Variants in DNAH14 observed in about 807,000 individuals in gnomAD.
DNAH14 encodes the protein axonemal beta dynein heavy chain 14.
Under a neutral mutation model 520.9 loss-of-function variants are expected in DNAH14, and 478 were observed. That is an observed-to-expected ratio of 0.92 (90% CI 0.85 to 0.99). DNAH14 has a LOEUF of 0.99. DNAH14 is among the 50% of genes least tolerant of loss of function. The probability of loss-of-function intolerance (pLI) is 0.00; values close to 1 mark genes in which losing one functional copy is unlikely to be tolerated. For missense variants in DNAH14, 4,831 were observed against 5,234.5 expected (o/e 0.92, Z 2.38); for synonymous variants, 1,581 against 1,757.2 (o/e 0.90, Z 2.51).
chr1:225,053,505 G>T (rs752256805), intron 17 of DNAH14, among the ~76,000 whole-genome samples: 5 of 152,104 alleles, frequency 3.3e-5, no homozygotes, highest in Non-Finnish European at 5.9e-5. Flanking sequence ...GGACCCTCTG[G>T]CTGCAGTGTG....
At chr1:225,178,608 C>G (rs1340425073) in intron 36 of DNAH14, among the ~76,000 whole-genome samples, 1 of 152,158 alleles carries the variant, frequency 6.6e-6, no homozygotes, top group Non-Finnish European at 1.5e-5. Context: ...TAGGGAGTAA[C>G]TAACTTGCTT....
chr1:225,137,959 C>A (rs2079101732), intron 27 of DNAH14, among the ~76,000 whole-genome samples: 1 of 152,166 alleles, frequency 6.6e-6, no homozygotes, highest in South Asian at 2.1e-4. Flanking sequence ...AACTGGAGAC[C>A]CCCCTAGTGA....
chr1:225,049,814 C>CA (rs1558788787), intron 15 of DNAH14, among the ~76,000 whole-genome samples: 101 of 151,142 alleles, frequency 6.7e-4, no homozygotes, highest in African/African-American at 2.3e-3. Context: ...ATCTATCAAT[C>CA]ATCTATCTAT....
intron 36 of DNAH14, among the ~76,000 whole-genome samples, chr1:225,184,134 A>C (rs532033427): frequency 6.6e-6 from 1 of 152,332 alleles, no homozygotes; most frequent in African/African-American, 2.4e-5. Flanking sequence ...CAATGAAAAA[A>C]GAAAACTACA....
rs559814431 is a variant in DNAH14 at position 225,026,083 on chromosome 1, G to C, written c.1358+2218G>C. ...GGGCTCAAGCGATACTCTCACCTCA[G>C]CCTCCCACATAGCTGGGACTACAGG... On this transcript the variant is annotated intron_variant, in intron 11 of 85. Coordinates refer to ENST00000682510, the MANE Select transcript of DNAH14 (RefSeq NM_001367479.1). Among the ~76,000 whole-genome samples, 150 of 151,990 alleles carry C rather than the reference G, an allele frequency of 9.9e-4. 1 individual carries two copies. Among genetic ancestry groups the C allele is most frequent in the African/African-American group, 3.3e-3 (139 of 41,498 alleles).
At chr1:225,302,558 G>A (rs1172284801) in intron 56 of DNAH14, among the ~76,000 whole-genome samples, 1 of 152,160 alleles carries the variant, frequency 6.6e-6, no homozygotes, top group African/African-American at 2.4e-5. Context: ...AAGGAAGAAG[G>A]AATCTGTGCC....
At chr1:225,063,667 T>C (rs1026995313) in intron 17 of DNAH14, among the ~76,000 whole-genome samples, 8 of 152,052 alleles carry the variant, frequency 5.3e-5, no homozygotes, top group Admixed American at 4.6e-4. Flanking sequence ...TACCAAGTGA[T>C]CTATCATATG....
In DNAH14 at chr1:225,322,733, A is replaced by G. The variant is rs1462346286; in HGVS notation, c.9405A>G (p.Lys3135=). 2 of 1,551,508 alleles carry G rather than the reference A, an allele frequency of 1.3e-6. No individual in the cohort carries two copies. The highest frequency in any genetic ancestry group is 1.4e-5 in the African/African-American group (1 of 73,014). The change falls in exon 62 of 86, where the codon AAA becomes AAG. Residue 3135 remains lysine (K), a synonymous_variant. Transcript: ENST00000682510. ...MNAVCILLQK[K]PNWATAKLLL... is the part of the protein sequence containing the mutation. ...CAGTGTGTATTCTTCTGCAAAAGAA[A>G]CCTAACTGGGCAACGGCAAAGTTAC...
chr1:225,169,380 A>G (rs530985999), intron 36 of DNAH14, among the ~76,000 whole-genome samples: 1 of 152,314 alleles, frequency 6.6e-6, no homozygotes, highest in Admixed American at 6.5e-5. Context: ...CCCATGGCAA[A>G]GAAGTTAAAA....
intron 21 of DNAH14, among the ~76,000 whole-genome samples, chr1:225,088,598 G>GA (rs2074041182): frequency 6.6e-6 from 1 of 152,030 alleles, no homozygotes; most frequent in Non-Finnish European, 1.5e-5. Flanking sequence ...GGGAGAAACA[G>GA]AAAAAAATAC....
At chr1:225,077,758 A>G (rs1434270333) in intron 17 of DNAH14, among the ~76,000 whole-genome samples, 1 of 152,240 alleles carries the variant, frequency 6.6e-6, no homozygotes, top group African/African-American at 2.4e-5. Context: ...GCCTCTTAAT[A>G]TAAACTCTGT....
intron 11 of DNAH14, among the ~76,000 whole-genome samples, chr1:225,034,670 C>G (rs550378315): frequency 1.3e-5 from 2 of 152,062 alleles, no homozygotes; most frequent in South Asian, 4.1e-4. Flanking sequence ...CTTCTTGGTA[C>G]ATCTGCTAGA....
At chr1:224,945,535 A>T (rs1286796905) in intron 1 of DNAH14, among the ~76,000 whole-genome samples, 1 of 152,102 alleles carries the variant, frequency 6.6e-6, no homozygotes, top group Non-Finnish European at 1.5e-5. Flanking sequence ...GTTGGTGAGG[A>T]GCTGTGTTCC....
chr1:225,381,842 A>G (rs1019322411), intron 81 of DNAH14, among the ~76,000 whole-genome samples: 3 of 152,238 alleles, frequency 2.0e-5, no homozygotes, highest in Admixed American at 2.0e-4. Context: ...AAGTAGGTGC[A>G]CTCTTGGTAT....
rs191807648 is a variant in DNAH14, at chr1:224,985,810, A to C, written c.830+11657A>C. On this transcript the variant is annotated intron_variant, in intron 8 of 85. Coordinates refer to ENST00000682510, the MANE Select transcript of DNAH14 (RefSeq NM_001367479.1). ...CTTAATAGCAGAATTAATCAAGCAG[A>C]AGAAAGAATTGGTGAGCTTGAAGAC... Among the ~76,000 whole-genome samples, 115 of 152,170 alleles carry C rather than the reference A, an allele frequency of 7.6e-4. 1 individual carries two copies. The highest frequency in any genetic ancestry group is 2.4e-3 in the African/African-American group (98 of 41,538).
chr1:225,147,263 G>A lies in DNAH14; in HGVS notation c.4940+14G>A, dbSNP rs896569237. ...CTATTCTGCCAGGTATTTGTCGAATGTGTTTATACCTTTTGAATTGAAATC... is the reference window on the plus strand; with the variant it reads ...CTATTCTGCCAGGTATTTGTCGAATATGTTTATACCTTTTGAATTGAAATC... On this transcript the variant is annotated intron_variant, in intron 31 of 85. Coordinates refer to ENST00000682510, the MANE Select transcript of DNAH14 (RefSeq NM_001367479.1). 3.3e-6 allele frequency: 5 copies of A among 1,534,162 alleles called. No individual in the cohort carries two copies. In the African/African-American group the frequency reaches 5.6e-5, roughly 17 times the overall value.
chr1:225,097,832 C>T (rs967174068), intron 22 of DNAH14, among the ~76,000 whole-genome samples: 3 of 151,588 alleles, frequency 2.0e-5, no homozygotes, highest in Non-Finnish European at 4.4e-5. Context: ...TTATGTGTTT[C>T]TTTCGTTCTG....
chr1:225,303,392 C>A, intron 57 of DNAH14, 45 bp downstream of exon 57: 2 of 1,504,648 alleles, frequency 1.3e-6, no homozygotes, highest in East Asian at 2.5e-5. Flanking sequence ...TTGACAGCAT[C>A]TGATGGTATT....
chr1:225,329,310 G>A (rs934467230), intron 64 of DNAH14, among the ~76,000 whole-genome samples: 3 of 152,090 alleles, frequency 2.0e-5, no homozygotes, highest in South Asian at 4.2e-4. Context: ...AAATCCCAGA[G>A]ACAAGAAGCT....
Sources: allele counts gnomAD v4.1 joint callset (sites outside exome capture counted in the v4.1 genomes callset), GRCh38; gene constraint gnomAD v4.1.1; transcripts MANE v1.5; gene names NCBI Gene and HGNC (gene_info 2026-07-23, HGNC 2026-07-21).